The following ZFR variants were observed in gnomAD, a reference collection of about 807,000 sequenced individuals.
The protein encoded by ZFR is zinc finger RNA-binding protein.
A neutral mutation model predicts 130.7 loss-of-function variants in ZFR; 19 were observed. The ratio of observed to expected loss-of-function variants is 0.15; its 90% CI spans 0.10 to 0.21. The LOEUF is 0.21. ZFR is among the 10% of genes least tolerant of loss of function. The pLI, the probability that ZFR is intolerant of heterozygous loss-of-function variation, is 1.00. For synonymous variants in ZFR, 466 were observed against 456.9 expected, an observed-to-expected ratio of 1.02 and a Z score of -0.25; for missense variants, 872 against 1,321.5, an observed-to-expected ratio of 0.66 and a Z score of 5.27.
At position 32,395,154 on chromosome 5, in the gene ZFR, A is replaced by G. The variant is rs780231263; in HGVS notation, c.1979+5T>C. The G allele has an allele frequency of 1.9e-6, 3 of 1,588,700 alleles. No homozygotes were observed. In the Admixed American group the frequency reaches 5.5e-5, roughly 29 times the overall value. On this transcript the variant is annotated splice_donor_5th_base_variant and intron_variant, in intron 11 of 19. Transcript: ENST00000265069. ...TACCAGGCTATTAAAAGTTAAAGAT[A>G]TTACCTCATTTCCATTCTCCAACGC... is the stretch of plus-strand genomic sequence containing the variant.
chr5:32,412,623 C>T (rs1289612758), intron 5 of ZFR, among the ~76,000 whole-genome samples: 3 of 152,178 alleles, frequency 2.0e-5, no homozygotes, highest in African/African-American at 4.8e-5. Flanking sequence ...TGTTCAATTC[C>T]TTTTCATAAT....
chr5:32,397,794 T>G (rs1449512944), intron 9 of ZFR, among the ~76,000 whole-genome samples: 1 of 146,518 alleles, frequency 6.8e-6, no homozygotes, highest in Non-Finnish European at 1.5e-5. Flanking sequence ...GAAATGGGAA[T>G]GAAAAGTTGG....
chr5:32,403,235 T>C lies in ZFR; in HGVS notation c.1387A>G (p.Thr463Ala), dbSNP rs150408674. The change falls in exon 8 of 20, where the codon ACG (threonine) becomes GCG (alanine). Residue 463 changes from threonine (T) to alanine (A), a missense_variant. Thr to Ala is a moderately conservative substitution (Grantham distance 58). Transcript: ENST00000265069. ...GTCGTAAGACCCTTCATTGAAGACG[T>C]TGCAACTGATGACGTATTCACAGTA... ...NCTVNTSSVATSSMKGLTTTG... is the reference protein window; with the variant it reads ...NCTVNTSSVAASSMKGLTTTG... The C allele has an allele frequency of 1.1e-4, 185 of 1,614,216 alleles. No individual in the cohort carries two copies. In the African/African-American group the frequency reaches 1.3e-3, roughly 11 times the overall value.
Position 32,388,486 on chromosome 5 carries a change from T to G in ZFR, c.2331A>C (p.Lys777Asn), listed in dbSNP as rs1022621249. The G allele has an allele frequency of 6.2e-7, 1 of 1,613,912 alleles. No homozygotes were observed. The highest frequency in any genetic ancestry group is 1.3e-5 in the African/African-American group (1 of 75,036). Residue 777 changes from lysine to asparagine, a missense_variant, in exon 13 of 20, where the codon AAA (lysine) becomes AAC (asparagine). Lys to Asn is a moderately conservative substitution (Grantham distance 94, BLOSUM62 0). Coordinates refer to ENST00000265069, the MANE Select transcript of ZFR (RefSeq NM_016107.5). ...KNKNKEGDDK[K>N]EGGKDRALKG... ...AAACACACCTGTCTTTACCTCCCTC[T>G]TTCTTATCATCTCCCTCTTTGTTCT...
At chr5:32,355,987 TAG>T in intron 19 of ZFR, 48 bp from the exon 20 acceptor site, 4 of 1,476,228 alleles carry the variant, frequency 2.7e-6, no homozygotes, top group Non-Finnish European at 3.6e-6. Flanking sequence ...AAACCCCAAG[TAG>T]TAATACTTAC....
chr5:32,360,822 G>T (rs1293577593), intron 19 of ZFR, among the ~76,000 whole-genome samples: 1 of 151,956 alleles, frequency 6.6e-6, no homozygotes, highest in Non-Finnish European at 1.5e-5. Flanking sequence ...GCACTCCTGG[G>T]CTCAAGAGAT....
In ZFR at chr5:32,380,650, CTTTTTTTTTT is replaced by C. The variant is rs55724344; in HGVS notation, c.2642-488_2642-479del. On this transcript the variant is annotated intron_variant, in intron 15 of 19. Coordinates refer to ENST00000265069, the MANE Select transcript of ZFR (RefSeq NM_016107.5). ...AATGAAGAACCCAAAACAGGCATTT[CTTTTTTTTTT>C]TTTTTTTTTTTTGAGACGGAGTGTC... Among the ~76,000 whole-genome samples, 12 of 97,056 alleles carry C rather than the reference CTTTTTTTTTT, an allele frequency of 1.2e-4. No individual in the cohort carries two copies. In the East Asian group the frequency reaches 2.1e-3, roughly 17 times the overall value. 63.7% of individuals were successfully genotyped at this position (97,056 alleles called of 152,430 possible).
At chr5:32,411,570 C>T (rs62361570) in intron 5 of ZFR, among the ~76,000 whole-genome samples, 43,732 of 150,374 alleles carry the variant, frequency 0.29, 6,854 homozygotes, top group Middle Eastern at 0.43. Flanking sequence ...ACGCCTGTAA[C>T]CCCAGCTACT....
chr5:32,389,415 C>T lies in ZFR; in HGVS notation c.2143-741G>A, dbSNP rs78403606. 5.1e-3 allele frequency among the ~76,000 whole-genome samples: 781 copies of T among 152,298 alleles called. 3 individuals carry two copies. The highest frequency in any genetic ancestry group is 7.9e-3 in the Non-Finnish European group (536 of 68,034). ...CCAGGCTAGTCTTGAACTTCTAGCACCAAGCCATCCTTTCACCTTGGTCTT... is the reference window on the plus strand; with the variant it reads ...CCAGGCTAGTCTTGAACTTCTAGCATCAAGCCATCCTTTCACCTTGGTCTT... On this transcript the variant is annotated intron_variant, in intron 12 of 19. Coordinates refer to ENST00000265069, the MANE Select transcript of ZFR (RefSeq NM_016107.5).
chr5:32,379,434 A>G (rs1752891065), intron 16 of ZFR: 1 of 521,412 alleles, frequency 1.9e-6, no homozygotes, highest in South Asian at 2.1e-5. Flanking sequence ...TTATACAAGA[A>G]TAATATTTCT....
chr5:32,405,371 A>G (rs1753556991), intron 6 of ZFR, among the ~76,000 whole-genome samples: 2 of 152,134 alleles, frequency 1.3e-5, no homozygotes, highest in Admixed American at 1.3e-4. Context: ...CTAGAACTCT[A>G]ACTCAATCTC....
At chr5:32,443,732 G>A (rs1561936282) in intron 2 of ZFR, among the ~76,000 whole-genome samples, 2 of 152,260 alleles carry the variant, frequency 1.3e-5, no homozygotes, top group Non-Finnish European at 2.9e-5. Flanking sequence ...GGGCTCCGGG[G>A]GTTGAAGCAC....
At chr5:32,383,546 C>A (rs1752978211) in intron 15 of ZFR, among the ~76,000 whole-genome samples, 1 of 152,268 alleles carries the variant, frequency 6.6e-6, no homozygotes, top group Admixed American at 6.5e-5. Flanking sequence ...ACAATGTAAT[C>A]ATTTCCTTTA....
At chr5:32,393,715 G>A (rs2111745987) in intron 11 of ZFR, among the ~76,000 whole-genome samples, 1 of 152,256 alleles carries the variant, frequency 6.6e-6, no homozygotes, top group South Asian at 2.1e-4. Context: ...CTTGATAATT[G>A]AGGATAAAGG....
chr5:32,404,894 G>A (rs997863251), intron 6 of ZFR, among the ~76,000 whole-genome samples: 5 of 151,994 alleles, frequency 3.3e-5, no homozygotes, highest in East Asian at 1.9e-4. Flanking sequence ...TTGGGTCACC[G>A]CAATCTCCAC....
chr5:32,438,340 C>T (rs1018064107), intron 2 of ZFR, among the ~76,000 whole-genome samples: 3 of 144,398 alleles, frequency 2.1e-5, no homozygotes, highest in Non-Finnish European at 4.5e-5. Context: ...CTTGGCTCAC[C>T]GCAACCTCCA....
chr5:32,390,167 A>C (rs1753133287), intron 12 of ZFR, 108 bp downstream of exon 12: 8 of 1,401,366 alleles, frequency 5.7e-6, no homozygotes, highest in Non-Finnish European at 7.7e-6. Flanking sequence ...AAAAACTACC[A>C]AGATTACAAG....
intron 19 of ZFR, among the ~76,000 whole-genome samples, chr5:32,359,194 A>G (rs1752377146): frequency 6.6e-6 from 1 of 152,164 alleles, no homozygotes; most frequent in African/African-American, 2.4e-5. Context: ...AAACAAAAAA[A>G]TAAAACCAAA....
intron 11 of ZFR, among the ~76,000 whole-genome samples, chr5:32,391,514 C>A (rs113721276): frequency 7.0e-6 from 1 of 142,852 alleles, no homozygotes; most frequent in Non-Finnish European, 1.5e-5. Context: ...CCAACATATG[C>A]GAAATCTACT....
Sources: gnomAD v4.1 joint callset for allele counts (sites outside exome capture counted in the v4.1 genomes callset) on GRCh38, gnomAD v4.1.1 for gene constraint, MANE v1.5 for transcripts, NCBI Gene and HGNC (gene_info 2026-07-23, HGNC 2026-07-21) for gene names.